DIAPH3: variants seen among roughly 807,000 people sequenced by gnomAD.
The protein encoded by DIAPH3 is protein diaphanous homolog 3.
A neutral mutation model predicts 144.3 loss-of-function variants in DIAPH3; 117 were observed. The observed-to-expected ratio is 0.81, with a 90% CI of 0.70 to 0.95. DIAPH3 has a LOEUF of 0.95. DIAPH3 is among the 40% of genes least tolerant of loss of function. The pLI is 0.00. For synonymous variants in DIAPH3, 519 were observed against 488.9 expected (o/e 1.06, Z -0.81); for missense variants, 1,421 against 1,412.7 (o/e 1.01, Z -0.09).
At chr13:60,153,054 T>C (rs1329101082) in intron 1 of DIAPH3, among the ~76,000 whole-genome samples, 7 of 152,140 alleles carry the variant, frequency 4.6e-5, no homozygotes, top group African/African-American at 1.7e-4. Flanking sequence ...AATGACCCAC[T>C]CTATAACCAT....
In DIAPH3 at chr13:60,121,031, T is replaced by C. The variant is rs76093118; in HGVS notation, c.214-8845A>G. On this transcript the variant is annotated intron_variant, in intron 2 of 27. Coordinates refer to ENST00000400324, the MANE Select transcript of DIAPH3 (RefSeq NM_001042517.2). Reference sequence around the variant, plus strand: ...AAGTAAAATGAGGTTATAAAATTATTAAATTTTAATATATCAATAAATGTT... The same window carrying C: ...AAGTAAAATGAGGTTATAAAATTATCAAATTTTAATATATCAATAAATGTT... Among the ~76,000 whole-genome samples the C allele has an allele frequency of 1.3e-3, 204 of 152,330 alleles. 3 individuals are homozygous for C. In the East Asian group the frequency reaches 0.033, roughly 24 times the overall value.
At chr13:60,071,592 A>G (rs563648043) in intron 4 of DIAPH3, among the ~76,000 whole-genome samples, 1 of 152,220 alleles carries the variant, frequency 6.6e-6, no homozygotes, top group East Asian at 1.9e-4. Flanking sequence ...ATTTCCTTCA[A>G]TGCTTCTTCC....
intron 22 of DIAPH3, among the ~76,000 whole-genome samples, chr13:59,840,319 C>G (rs892607584): frequency 1.3e-5 from 2 of 152,010 alleles, no homozygotes; most frequent in South Asian, 4.1e-4. Context: ...TACAGTAATT[C>G]AAGGTAATCT....
At position 59,666,574 on chromosome 13, in the gene DIAPH3, C is replaced by A; in HGVS notation, c.*10G>T. On this transcript the variant is annotated 3_prime_UTR_variant, in exon 28 of 28. Coordinates refer to ENST00000400324, the MANE Select transcript of DIAPH3 (RefSeq NM_001042517.2). ...TTGGCTTAATCATTTTTTTTAAAAA[C>A]CAGTTTAACTTATAAAGCTCGTAAT... The A allele has an allele frequency of 1.2e-6, 2 of 1,613,404 alleles. No homozygotes were observed. Among genetic ancestry groups the A allele is most frequent in the East Asian group, 2.2e-5 (1 of 44,874 alleles).
intron 27 of DIAPH3, among the ~76,000 whole-genome samples, chr13:59,713,675 A>G (rs1346164218): frequency 1.3e-5 from 2 of 152,126 alleles, no homozygotes; most frequent in African/African-American, 4.8e-5. Context: ...GATGGCAGAG[A>G]CAGCCACCTA....
At position 59,974,426 on chromosome 13, in the gene DIAPH3, T is replaced by C; in HGVS notation, c.1576A>G (p.Thr526Ala). Residue 526 changes from threonine to alanine, a missense_variant, in exon 15 of 28, where the codon ACT (threonine) becomes GCT (alanine). By Grantham distance (58) the Thr-to-Ala change is moderately conservative. Coordinates refer to ENST00000400324, the MANE Select transcript of DIAPH3 (RefSeq NM_001042517.2). ...TCTTTTTTCTGCAATTCAGCCTGAGTTTCTTGGTGGTCGGTAAACTCTTTT... is the reference window on the plus strand; with the variant it reads ...TCTTTTTTCTGCAATTCAGCCTGAGCTTCTTGGTGGTCGGTAAACTCTTTT... ...FEKEFTDHQE[T>A]QAELQKKEAK... 1 of 1,612,252 alleles carries C rather than the reference T, an allele frequency of 6.2e-7. No individual in the cohort carries two copies. Among genetic ancestry groups the C allele is most frequent in the Non-Finnish European group, 8.5e-7 (1 of 1,179,560 alleles).
intron 20 of DIAPH3, among the ~76,000 whole-genome samples, chr13:59,891,294 G>C (rs893065475): frequency 5.3e-5 from 8 of 152,076 alleles, no homozygotes; most frequent in African/African-American, 1.9e-4. Context: ...ATGATGCATG[G>C]CTGGTAATTA....
intron 17 of DIAPH3, among the ~76,000 whole-genome samples, chr13:59,960,022 T>C (rs939406426): frequency 6.6e-6 from 1 of 152,166 alleles, no homozygotes; most frequent in Non-Finnish European, 1.5e-5. Context: ...GTTTTAATCA[T>C]TCCCTGCAGG....
At chr13:59,732,257 T>TC (rs939454813) in intron 27 of DIAPH3, among the ~76,000 whole-genome samples, 3 of 82,314 alleles carry the variant, frequency 3.6e-5, no homozygotes, top group African/African-American at 1.1e-4. Flanking sequence ...TTTGAGTCTA[T>TC]CTATATTCTT....
intron 2 of DIAPH3, among the ~76,000 whole-genome samples, chr13:60,124,288 G>C (rs1011030936): frequency 2.6e-5 from 4 of 152,172 alleles, no homozygotes; most frequent in Non-Finnish European, 4.4e-5. Context: ...GGAACTTTGA[G>C]GAGAACAAGG....
At chr13:59,776,709 G>T (rs1382540040) in intron 25 of DIAPH3, among the ~76,000 whole-genome samples, 1 of 152,088 alleles carries the variant, frequency 6.6e-6, no homozygotes, top group African/African-American at 2.4e-5. Flanking sequence ...TAAAGAAAAT[G>T]TGAACTTTCT....
chr13:59,885,932 T>C (rs780506546), intron 20 of DIAPH3, among the ~76,000 whole-genome samples: 1 of 152,084 alleles, frequency 6.6e-6, no homozygotes, highest in Non-Finnish European at 1.5e-5. Flanking sequence ...ATAGCATAAA[T>C]CTCTGTTGTT....
At chr13:60,025,404 CAAAAAAA>C (rs370177105) in intron 5 of DIAPH3, among the ~76,000 whole-genome samples, 2 of 68,128 alleles carry the variant, frequency 2.9e-5, no homozygotes, top group African/African-American at 5.5e-5. Context: ...TTGTGCTTAG[CAAAAAAA>C]AAAAAAAAAA....
At chr13:59,696,366 T>C (rs956930257) in intron 27 of DIAPH3, among the ~76,000 whole-genome samples, 1 of 152,258 alleles carries the variant, frequency 6.6e-6, no homozygotes, top group African/African-American at 2.4e-5. Context: ...TCAGTTGCTA[T>C]GATTACAGTA....
chr13:59,899,277 A>G (rs1272105217), intron 20 of DIAPH3, among the ~76,000 whole-genome samples: 3 of 152,124 alleles, frequency 2.0e-5, no homozygotes, highest in Non-Finnish European at 4.4e-5. Context: ...TCCCTTTCAT[A>G]TATACATCTA....
At chr13:59,702,467 CAG>C (rs2034163521) in intron 27 of DIAPH3, among the ~76,000 whole-genome samples, 1 of 152,282 alleles carries the variant, frequency 6.6e-6, no homozygotes, top group Admixed American at 6.5e-5. Flanking sequence ...TTTATGCTGA[CAG>C]AGCTTGATTA....
At chr13:60,035,265 T>C (rs557972924) in intron 5 of DIAPH3, among the ~76,000 whole-genome samples, 12 of 152,288 alleles carry the variant, frequency 7.9e-5, no homozygotes, top group Non-Finnish European at 1.5e-4. Context: ...TAACCCTGTA[T>C]TCAAAGCCAA....
At chr13:59,797,395 C>CT (rs948210948) in intron 25 of DIAPH3, among the ~76,000 whole-genome samples, 1 of 152,126 alleles carries the variant, frequency 6.6e-6, no homozygotes, top group African/African-American at 2.4e-5. Context: ...GATAGAAATA[C>CT]TTTTTTTCAC....
chr13:59,683,902 T>G (rs2033076765), intron 27 of DIAPH3, among the ~76,000 whole-genome samples: 1 of 152,188 alleles, frequency 6.6e-6, no homozygotes, highest in Non-Finnish European at 1.5e-5. Context: ...AAGTAGGTCT[T>G]AATCCAATGG....
Sources: gnomAD v4.1 joint callset for allele counts (sites outside exome capture counted in the v4.1 genomes callset) on GRCh38, gnomAD v4.1.1 for gene constraint, MANE v1.5 for transcripts, NCBI Gene and HGNC (gene_info 2026-07-23, HGNC 2026-07-21) for gene names.